Variants in ROBO1 observed in about 807,000 individuals in gnomAD.
The protein encoded by ROBO1 is roundabout homolog 1.
In ROBO1, 149 loss-of-function variants were observed where a neutral mutation model predicts 195.9. The ratio of observed to expected loss-of-function variants is 0.76; its 90% CI spans 0.67 to 0.87. The LOEUF is 0.87. ROBO1 is among the 40% of genes least tolerant of loss of function. The pLI, the probability that ROBO1 is intolerant of heterozygous loss-of-function variation, is 0.00. For missense variants in ROBO1, 1,933 were observed against 2,068.3 expected, an observed-to-expected ratio of 0.93 and a Z score of 1.27; for synonymous variants, 816 against 733.2, an observed-to-expected ratio of 1.11 and a Z score of -1.82.
chr3:79,611,620 A>G (rs1339791183), intron 1 of ROBO1, among the ~76,000 whole-genome samples: 4 of 152,168 alleles, frequency 2.6e-5, no homozygotes, highest in Non-Finnish European at 5.9e-5. Context: ...CATCATTCTC[A>G]GCAAACTAAC....
intron 2 of ROBO1, among the ~76,000 whole-genome samples, chr3:79,508,755 T>G (rs1034648213): frequency 1.3e-5 from 2 of 152,194 alleles, no homozygotes; most frequent in African/African-American, 4.8e-5. Context: ...AGTCTGCTCA[T>G]CAAAATAAGT....
intron 1 of ROBO1, among the ~76,000 whole-genome samples, chr3:79,757,505 C>CCATA (rs1303458661): frequency 6.9e-6 from 1 of 144,146 alleles, no homozygotes; most frequent in Admixed American, 6.7e-5. Context: ...CTCTCTCTCT[C>CCATA]TCTCCATATA....
rs148528339 is a variant in ROBO1, at chr3:78,889,888, C to T, written c.499+48713G>A. Among the ~76,000 whole-genome samples, 28 of 152,106 alleles carry T rather than the reference C, an allele frequency of 1.8e-4. No individual in the cohort carries two copies. The East Asian group carries it at 5.5e-3, about 30-fold the overall frequency. On this transcript the variant is annotated intron_variant, in intron 4 of 30. Transcript: ENST00000464233. ...AAATTAATGATACTAAGACAATACT[C>T]GCCGTTGCTCTTCCATCTCCCTGGC...
chr3:78,999,694 A>G (rs986462652), intron 3 of ROBO1, among the ~76,000 whole-genome samples: 10 of 152,130 alleles, frequency 6.6e-5, no homozygotes, highest in African/African-American at 2.4e-4. Context: ...CTGAATCTAA[A>G]ATAAAAGTTG....
At chr3:79,731,476 G>A (rs2107356593) in intron 1 of ROBO1, among the ~76,000 whole-genome samples, 1 of 152,158 alleles carries the variant, frequency 6.6e-6, no homozygotes, top group African/African-American at 2.4e-5. Context: ...GCTGACCCCT[G>A]GTTAGGAGCC....
intron 3 of ROBO1, among the ~76,000 whole-genome samples, chr3:78,986,244 G>A (rs547449123): frequency 3.3e-5 from 5 of 152,126 alleles, no homozygotes; most frequent in South Asian, 2.1e-4. Flanking sequence ...CTCACCATTT[G>A]GTGCCCTGGA....
intron 3 of ROBO1, among the ~76,000 whole-genome samples, chr3:79,083,559 A>G (rs1392796997): frequency 6.6e-6 from 1 of 152,212 alleles, no homozygotes; most frequent in Non-Finnish European, 1.5e-5. Context: ...ATAAACATTC[A>G]ACCACAATAT....
intron 4 of ROBO1, among the ~76,000 whole-genome samples, chr3:78,922,760 C>A (rs1191919609): frequency 6.6e-6 from 1 of 151,950 alleles, no homozygotes; most frequent in Non-Finnish European, 1.5e-5. Context: ...CAGGCATGCA[C>A]CACAACGCCT....
chr3:79,178,572 G>A lies in ROBO1; in HGVS notation c.89-53033C>T, dbSNP rs140625620. ...GCTGTCAGAATAAAATGAAGCATGAGTCTGCTGAGAAAATCAAGCATCAGT... is the reference window on the plus strand; with the variant it reads ...GCTGTCAGAATAAAATGAAGCATGAATCTGCTGAGAAAATCAAGCATCAGT... On this transcript the variant is annotated intron_variant, in intron 2 of 30. Transcript: ENST00000464233. Among the ~76,000 whole-genome samples, 184 of 152,300 alleles carry A rather than the reference G, an allele frequency of 1.2e-3. 1 individual carries two copies. Among genetic ancestry groups the A allele is most frequent in the African/African-American group, 4.2e-3 (174 of 41,568 alleles).
intron 2 of ROBO1, among the ~76,000 whole-genome samples, chr3:79,162,627 T>C (rs1208746656): frequency 1.3e-5 from 2 of 152,172 alleles, no homozygotes; most frequent in African/African-American, 2.4e-5. Context: ...ACAGCAATAC[T>C]TTCAGTGGGA....
At chr3:79,387,066 C>T (rs1030516336) in intron 2 of ROBO1, among the ~76,000 whole-genome samples, 2 of 152,104 alleles carry the variant, frequency 1.3e-5, no homozygotes, top group Admixed American at 1.3e-4. Flanking sequence ...AAGTGGGCTT[C>T]TCCTTCATCT....
chr3:79,745,824 G>A (rs1184678211), intron 1 of ROBO1, among the ~76,000 whole-genome samples: 2 of 151,980 alleles, frequency 1.3e-5, no homozygotes, highest in African/African-American at 4.8e-5. Flanking sequence ...ATTGGCTTAA[G>A]GTCAAGTTAG....
rs530840630 is a variant in ROBO1 at position 78,812,194 on chromosome 3, T to A, written c.500-65294A>T. Among the ~76,000 whole-genome samples, 26 of 152,226 alleles carry A rather than the reference T, an allele frequency of 1.7e-4. No individual in the cohort carries two copies. The South Asian group carries it at 5.4e-3, about 32-fold the overall frequency. On this transcript the variant is annotated intron_variant, in intron 4 of 30. Coordinates refer to ENST00000464233, the MANE Select transcript of ROBO1 (RefSeq NM_002941.4). ...GCCTGAATCCTCCTACCAAATCATGTTTCTCTCACACTGTTCCTTTACTCA... is the reference window on the plus strand; with the variant it reads ...GCCTGAATCCTCCTACCAAATCATGATTCTCTCACACTGTTCCTTTACTCA...
chr3:79,301,894 C>T (rs1176136120), intron 2 of ROBO1, among the ~76,000 whole-genome samples: 1 of 152,000 alleles, frequency 6.6e-6, no homozygotes, highest in African/African-American at 2.4e-5. Flanking sequence ...TAATAAAATG[C>T]TAGTATACAA....
chr3:78,836,191 C>G (rs939534241), intron 4 of ROBO1, among the ~76,000 whole-genome samples: 2 of 152,060 alleles, frequency 1.3e-5, no homozygotes, highest in African/African-American at 4.8e-5. Context: ...AAGCTTTCTA[C>G]AAATCTTTTT....
chr3:79,371,928 T>C (rs2036210082), intron 2 of ROBO1, among the ~76,000 whole-genome samples: 1 of 152,078 alleles, frequency 6.6e-6, no homozygotes, highest in Non-Finnish European at 1.5e-5. Context: ...TGGGGGATGG[T>C]TTTGGGATGA....
chr3:78,811,787 A>C (rs1291920609), intron 4 of ROBO1, among the ~76,000 whole-genome samples: 1 of 152,112 alleles, frequency 6.6e-6, no homozygotes, highest in African/African-American at 2.4e-5. Context: ...TATGTGTCTC[A>C]AATTCAATCC....
At chr3:78,758,782 C>G (rs891967345) in intron 4 of ROBO1, among the ~76,000 whole-genome samples, 1 of 74,726 alleles carries the variant, frequency 1.3e-5, no homozygotes, top group Non-Finnish European at 3.3e-5. Flanking sequence ...AACCCCTCAC[C>G]TGAACCTCTC....
In ROBO1 at chr3:78,841,036, TG is replaced by T. The variant is rs2033160376; in HGVS notation, c.500-94137del. Among the ~76,000 whole-genome samples the T allele has an allele frequency of 2.7e-5, 4 of 149,564 alleles. No homozygotes were observed. The Admixed American group carries it at 2.7e-4, about 10-fold the overall frequency. ...AAGATCACGCCACTGCACTCCAGCC[TG>T]GGTGACAGAGCAAGACTGTGTCTCA... On this transcript the variant is annotated intron_variant, in intron 4 of 30. Transcript: ENST00000464233.
Sources: gnomAD v4.1 joint callset for allele counts (sites outside exome capture counted in the v4.1 genomes callset) on GRCh38, gnomAD v4.1.1 for gene constraint, MANE v1.5 for transcripts, NCBI Gene and HGNC (gene_info 2026-07-23, HGNC 2026-07-21) for gene names.